The following OR52E2 variants were observed in gnomAD, a reference collection of about 807,000 sequenced individuals.
The protein encoded by OR52E2 is olfactory receptor 52E2.
For missense variants in OR52E2, 443 were observed against 403.9 expected (o/e 1.10, Z -0.83); for synonymous variants, 130 against 143.9 (o/e 0.90, Z 0.69).
Position 5,058,757 on chromosome 11 carries a change from C to G in OR52E2, c.871G>C (p.Val291Leu). 3 of 1,592,530 alleles carry G rather than the reference C, an allele frequency of 1.9e-6. No individual in the cohort carries two copies. Among genetic ancestry groups the G allele is most frequent in the Non-Finnish European group, 2.6e-6 (3 of 1,172,458 alleles). ...YVVVPPMLNP[V>L]IYGVRTKQIY... ...TGCTTGGTTCTGACTCCATATATGA[C>G]AGGATTGAGCATTGGTGGCACCACA... Residue 291 changes from valine to leucine, a missense_variant, in exon 1 of 1, where the codon GTC becomes CTC. Transcript: ENST00000321522.
At position 5,059,126 on chromosome 11, in the gene OR52E2, A is replaced by G. The variant is rs1470177554; in HGVS notation, c.502T>C (p.Leu168=). 3.1e-6 allele frequency: 5 copies of G among 1,613,494 alleles called. No homozygotes were observed. The highest frequency in any genetic ancestry group is 4.2e-6 in the Non-Finnish European group (5 of 1,179,886). Residue 168 remains leucine, a synonymous_variant, in exon 1 of 1, where the codon TTG becomes CTG. Transcript: ENST00000321522. ...VIPSILLILR[L]PFCGNHVIPH... The stretch of plus-strand genomic sequence containing the variant: ...ATTACATGATTCCCACAGAAGGGCA[A>G]CCGCAATATAAGAAGTATAGAGGGA...
At position 5,058,939 on chromosome 11, in the gene OR52E2, G is replaced by A; in HGVS notation, c.689C>T (p.Pro230Leu). Residue 230 changes from proline (P) to leucine (L), a missense_variant, in exon 1 of 1, where the codon CCT becomes CTT. Coordinates refer to ENST00000321522, the MANE Select transcript of OR52E2 (RefSeq NM_001005164.2). Reference sequence around the variant, plus strand: ...GGACTTGAGTCGGGCTTCATGAGTAGGAAGACGGAAAACAGCACAAAGAAT... The same window carrying A: ...GGACTTGAGTCGGGCTTCATGAGTAAGAAGACGGAAAACAGCACAAAGAAT... ...VHILCAVFRL[P>L]THEARLKSLS... 1 of 1,604,116 alleles carries A rather than the reference G, an allele frequency of 6.2e-7. No individual in the cohort carries two copies. Among genetic ancestry groups the A allele is most frequent in the Non-Finnish European group, 8.5e-7 (1 of 1,175,440 alleles).
chr11:5,059,573 T>A lies in OR52E2; in HGVS notation c.55A>T (p.Ile19Phe), dbSNP rs1477155265. Reference protein sequence around the residue: ...FHPSSFLLLGIPGLETLHIWI... With the variant: ...FHPSSFLLLGFPGLETLHIWI... ...ATGTGAAGTGTTTCTAGTCCTGGGA[T>A]CCCCAGCAACAGGAAGGAGGAGGGG... Residue 19 changes from isoleucine (I) to phenylalanine (F), a missense_variant, in exon 1 of 1, where the codon ATC (isoleucine) becomes TTC (phenylalanine). Coordinates refer to ENST00000321522, the MANE Select transcript of OR52E2 (RefSeq NM_001005164.2). The A allele has an allele frequency of 6.8e-6, 11 of 1,612,218 alleles. No homozygotes were observed. Among genetic ancestry groups the A allele is most frequent in the East Asian group, 2.2e-5 (1 of 44,856 alleles).
Position 5,059,414 on chromosome 11 carries a change from C to G in OR52E2, c.214G>C (p.Asp72His), listed in dbSNP as rs1355916004. The change falls in exon 1 of 1, where the codon GAT (aspartate) becomes CAT (histidine). Residue 72 changes from aspartate to histidine, a missense_variant. Coordinates refer to ENST00000321522, the MANE Select transcript of OR52E2 (RefSeq NM_001005164.2). ...FYFLAMLATT[D>H]VGLSTATIPK... is the part of the protein sequence containing the mutation. ...ATGGTAGCTGTTGAGAGACCCACAT[C>G]AGTGGTGGCCAACATGGCCAGGAAG... 2.5e-6 allele frequency: 4 copies of G among 1,613,522 alleles called. No homozygotes were observed. The highest frequency in any genetic ancestry group is 1.3e-5 in the African/African-American group (1 of 74,912).
At position 5,059,454 on chromosome 11, in the gene OR52E2, G is replaced by T. The variant is rs774345486; in HGVS notation, c.174C>A (p.His58Gln). Residue 58 changes from histidine (H) to glutamine (Q), a missense_variant, in exon 1 of 1, where the codon CAC becomes CAA. His to Gln is a conservative substitution (Grantham distance 24). Coordinates refer to ENST00000321522, the MANE Select transcript of OR52E2 (RefSeq NM_001005164.2). The part of the protein sequence containing the change: ...LLVIKTDSSL[H>Q]QPMFYFLAML... ...TGGCCAGGAAGTAGAACATGGGCTG[G>T]TGTAGGCTGCTGTCAGTCTTGATCA... The T allele has an allele frequency of 1.2e-6, 2 of 1,613,884 alleles. No individual in the cohort carries two copies. The highest frequency in any genetic ancestry group is 8.5e-7 in the Non-Finnish European group (1 of 1,179,908).
Position 5,059,603 on chromosome 11 carries a change from A to G in OR52E2, c.25T>C (p.Phe9Leu). 1 of 1,604,810 alleles carries G rather than the reference A, an allele frequency of 6.2e-7. No individual in the cohort carries two copies. The highest frequency in any genetic ancestry group is 1.7e-5 in the Admixed American group (1 of 59,280). The change falls in exon 1 of 1, where the codon TTT (phenylalanine) becomes CTT (leucine). Residue 9 changes from phenylalanine (F) to leucine (L), a missense_variant. By Grantham distance (22) the Phe-to-Leu change is conservative (BLOSUM62 0). Transcript: ENST00000321522. MFLPNDTQFHPSSFLLLGI... is the reference protein window; with the variant it reads MFLPNDTQLHPSSFLLLGI... ...AGCAACAGGAAGGAGGAGGGGTGAA[A>G]CTGGGTGTCATTGGGAAGGAACATC...
rs779959275 is a variant in OR52E2, at chr11:5,058,751, A to G, written c.877T>C (p.Tyr293His). ...VVPPMLNPVI[Y>H]GVRTKQIYKC... ...TAGATCTGCTTGGTTCTGACTCCAT[A>G]TATGACAGGATTGAGCATTGGTGGC... The change falls in exon 1 of 1, where the codon TAT (tyrosine) becomes CAT (histidine). Residue 293 changes from tyrosine to histidine, a missense_variant. Tyr to His is a moderately conservative substitution (Grantham distance 83). Coordinates refer to ENST00000321522, the MANE Select transcript of OR52E2 (RefSeq NM_001005164.2). The G allele has an allele frequency of 1.9e-6, 3 of 1,590,988 alleles. No homozygotes were observed. The highest frequency in any genetic ancestry group is 2.2e-5 in the East Asian group (1 of 44,768).
In OR52E2 at chr11:5,058,764, G is replaced by A; in HGVS notation, c.864C>T (p.Leu288=). ...TTCTGACTCCATATATGACAGGATT[G>A]AGCATTGGTGGCACCACAACATAGA... is the stretch of plus-strand genomic sequence containing the variant. ...ANLYVVVPPM[L]NPVIYGVRTK... Residue 288 remains leucine (L), a synonymous_variant, in exon 1 of 1, where the codon CTC becomes CTT. Transcript: ENST00000321522. 3.1e-6 allele frequency: 5 copies of A among 1,595,500 alleles called. No homozygotes were observed. The highest frequency in any genetic ancestry group is 4.3e-6 in the Non-Finnish European group (5 of 1,173,560).
In OR52E2 at chr11:5,059,176, A is replaced by G. The variant is rs148255884; in HGVS notation, c.452T>C (p.Phe151Ser). 2.3e-4 allele frequency: 379 copies of G among 1,613,754 alleles called. 1 individual carries two copies. The African/African-American group carries it at 4.7e-3, about 20-fold the overall frequency. The part of the protein sequence containing the change: ...KVVSVIGLGV[F>S]VRALIFVIPS... The stretch of plus-strand genomic sequence containing the variant: ...AATGACGAAAATTAAAGCCCTCACA[A>G]ACACACCAAGACCAATCACAGAAAC... Residue 151 changes from phenylalanine to serine, a missense_variant, in exon 1 of 1, where the codon TTT becomes TCT. Coordinates refer to ENST00000321522, the MANE Select transcript of OR52E2 (RefSeq NM_001005164.2).
In OR52E2 at chr11:5,058,906, G is replaced by A. The variant is rs1847680449; in HGVS notation, c.722C>T (p.Thr241Ile). The A allele has an allele frequency of 1.3e-6, 2 of 1,591,908 alleles. No homozygotes were observed. Among genetic ancestry groups the A allele is most frequent in the South Asian group, 2.3e-5 (2 of 86,422 alleles). The change falls in exon 1 of 1, where the codon ACA becomes ATA. Residue 241 changes from threonine (T) to isoleucine (I), a missense_variant. Transcript: ENST00000321522. The part of the protein sequence containing the change: ...THEARLKSLS[T>I]CGSHVCVILA... ...GATTACACACACATGTGAACCACAT[G>A]TGCTGAGGGACTTGAGTCGGGCTTC... is the stretch of plus-strand genomic sequence containing the variant.
Position 5,058,910 on chromosome 11 carries a change from T to C in OR52E2, c.718A>G (p.Ser240Gly). 1 of 1,592,972 alleles carries C rather than the reference T, an allele frequency of 6.3e-7. No homozygotes were observed. Among genetic ancestry groups the C allele is most frequent in the Non-Finnish European group, 8.5e-7 (1 of 1,169,886 alleles). ...PTHEARLKSL[S>G]TCGSHVCVIL... ...ACACACACATGTGAACCACATGTGC[T>C]GAGGGACTTGAGTCGGGCTTCATGA... The change falls in exon 1 of 1, where the codon AGC becomes GGC. Residue 240 changes from serine to glycine, a missense_variant. Ser to Gly is a moderately conservative substitution (Grantham distance 56). Transcript: ENST00000321522.
At position 5,059,531 on chromosome 11, in the gene OR52E2, A is replaced by C; in HGVS notation, c.97T>G (p.Phe33Val). 1.2e-6 allele frequency: 2 copies of C among 1,613,910 alleles called. No individual in the cohort carries two copies. Among genetic ancestry groups the C allele is most frequent in the South Asian group, 2.2e-5 (2 of 91,074 alleles). Residue 33 changes from phenylalanine (F) to valine (V), a missense_variant, in exon 1 of 1, where the codon TTC becomes GTC. By Grantham distance (50) the Phe-to-Val change is conservative. Transcript: ENST00000321522. The stretch of plus-strand genomic sequence containing the variant: ...AGTGCGATCATGTACACAGCACAGA[A>C]GGGAAAGCCGATCCAGATGTGAAGT... ...ETLHIWIGFPFCAVYMIALIG... is the reference protein window; with the variant it reads ...ETLHIWIGFPVCAVYMIALIG...
Position 5,059,115 on chromosome 11 carries a change from A to G in OR52E2, c.513T>C (p.Cys171=). 1.2e-6 allele frequency: 2 copies of G among 1,613,524 alleles called. No homozygotes were observed. Among genetic ancestry groups the G allele is most frequent in the Non-Finnish European group, 1.7e-6 (2 of 1,179,832 alleles). ...SILLILRLPF[C]GNHVIPHTYC... ...AGGTGTGGGGAATTACATGATTCCCACAGAAGGGCAACCGCAATATAAGAA... is the reference window on the plus strand; with the variant it reads ...AGGTGTGGGGAATTACATGATTCCCGCAGAAGGGCAACCGCAATATAAGAA... The change falls in exon 1 of 1, where the codon TGT becomes TGC. Residue 171 remains cysteine (C), a synonymous_variant. Transcript: ENST00000321522.
Position 5,059,606 on chromosome 11 carries a change from G to T in OR52E2, c.22C>A (p.Gln8Lys), listed in dbSNP as rs752263316. Residue 8 changes from glutamine to lysine, a missense_variant, in exon 1 of 1, where the codon CAG (glutamine) becomes AAG (lysine). Physicochemically the swap from Gln to Lys is moderately conservative, Grantham distance 53. Coordinates refer to ENST00000321522, the MANE Select transcript of OR52E2 (RefSeq NM_001005164.2). ...AACAGGAAGGAGGAGGGGTGAAACT[G>T]GGTGTCATTGGGAAGGAACATCCTG... Reference protein sequence around the residue: MFLPNDTQFHPSSFLLLG... With the variant: MFLPNDTKFHPSSFLLLG... 40 of 1,603,094 alleles carry T rather than the reference G, an allele frequency of 2.5e-5. No individual in the cohort carries two copies. The East Asian group carries it at 8.9e-4, about 36-fold the overall frequency.
rs1424929787 is a variant in OR52E2 at position 5,059,408 on chromosome 11, C to T, written c.220G>A (p.Gly74Ser). ...FLAMLATTDV[G>S]LSTATIPKML... ...TTAGGGATGGTAGCTGTTGAGAGAC[C>T]CACATCAGTGGTGGCCAACATGGCC... The change falls in exon 1 of 1, where the codon GGT becomes AGT. Residue 74 changes from glycine (G) to serine (S), a missense_variant. Transcript: ENST00000321522. 3 of 1,613,634 alleles carry T rather than the reference C, an allele frequency of 1.9e-6. No homozygotes were observed. The highest frequency in any genetic ancestry group is 2.2e-5 in the South Asian group (2 of 91,054).
rs367563585 is a variant in OR52E2, at chr11:5,058,802, G to C, written c.826C>G (p.Leu276Val). 2 of 1,596,704 alleles carry C rather than the reference G, an allele frequency of 1.3e-6. No homozygotes were observed. The highest frequency in any genetic ancestry group is 2.7e-5 in the African/African-American group (2 of 73,904). ...ACCACAACATAGAGATTGGCTAGGA[G>C]TATATGGATATAGCGGGGCACATTT... The part of the protein sequence containing the change: ...GRNVPRYIHI[L>V]LANLYVVVPP... Residue 276 changes from leucine to valine, a missense_variant, in exon 1 of 1, where the codon CTC becomes GTC. Coordinates refer to ENST00000321522, the MANE Select transcript of OR52E2 (RefSeq NM_001005164.2).
At position 5,059,284 on chromosome 11, in the gene OR52E2, G is replaced by T; in HGVS notation, c.344C>A (p.Ala115Glu). The change falls in exon 1 of 1, where the codon GCA becomes GAA. Residue 115 changes from alanine (A) to glutamate (E), a missense_variant. Physicochemically the swap from Ala to Glu is moderately radical, Grantham distance 107 (BLOSUM62 -1). Transcript: ENST00000321522. ...FIHNFTLMES[A>E]VLVAMAYDSY... ...GTCATAAGCCATTGCCACAAGGACT[G>T]CTGACTCCATAAGTGTGAAGTTGTG... 1 of 1,613,776 alleles carries T rather than the reference G, an allele frequency of 6.2e-7. No homozygotes were observed. Among genetic ancestry groups the T allele is most frequent in the Non-Finnish European group, 8.5e-7 (1 of 1,179,890 alleles).
chr11:5,059,102 T>A lies in OR52E2; in HGVS notation c.526A>T (p.Ile176Phe). Residue 176 changes from isoleucine (I) to phenylalanine (F), a missense_variant, in exon 1 of 1, where the codon ATT becomes TTT. Physicochemically the swap from Ile to Phe is conservative, Grantham distance 21. Transcript: ENST00000321522. ...ATGTGCTCACAGTAGGTGTGGGGAA[T>A]TACATGATTCCCACAGAAGGGCAAC... ...LRLPFCGNHV[I>F]PHTYCEHMGL... The A allele has an allele frequency of 6.2e-7, 1 of 1,613,064 alleles. No homozygotes were observed. Among genetic ancestry groups the A allele is most frequent in the Non-Finnish European group, 8.5e-7 (1 of 1,179,618 alleles).
Position 5,059,279 on chromosome 11 carries a change from G to A in OR52E2, c.349C>T (p.Leu117Phe). 2 of 1,613,784 alleles carry A rather than the reference G, an allele frequency of 1.2e-6. No individual in the cohort carries two copies. The highest frequency in any genetic ancestry group is 1.7e-6 in the Non-Finnish European group (2 of 1,179,936). Residue 117 changes from leucine (L) to phenylalanine (F), a missense_variant, in exon 1 of 1, where the codon CTT becomes TTT. Transcript: ENST00000321522. ...TAGCTGTCATAAGCCATTGCCACAA[G>A]GACTGCTGACTCCATAAGTGTGAAG... ...HNFTLMESAV[L>F]VAMAYDSYVA...
Sources: gnomAD v4.1 joint callset for allele counts on GRCh38, gnomAD v4.1.1 for gene constraint, MANE v1.5 for transcripts, NCBI Gene and HGNC (gene_info 2026-07-23, HGNC 2026-07-21) for gene names.